Variants in FAT2 observed in about 807,000 individuals in gnomAD.
FAT2 encodes protocadherin Fat 2.
FAT2 carries 150 observed loss-of-function variants against 295.3 expected under a neutral mutation model. The observed-to-expected ratio is 0.51, with a 90% confidence interval of 0.44 to 0.58. FAT2 has a LOEUF of 0.58. Ranked by LOEUF, FAT2 falls within the 20% of genes least tolerant of loss-of-function variation. The probability of loss-of-function intolerance (pLI) is 0.00; values close to 1 mark genes in which losing one functional copy is unlikely to be tolerated. For missense variants in FAT2, 4,868 were observed against 5,442.7 expected (o/e 0.89, Z 3.32); for synonymous variants, 2,026 against 2,150.3 (o/e 0.94, Z 1.60).
In FAT2 at chr5:151,505,238, C is replaced by T. The variant is rs1760746926; in HGVS notation, c.*327G>A. On this transcript the variant is annotated 3_prime_UTR_variant, in exon 24 of 24. Transcript: ENST00000261800. The stretch of plus-strand genomic sequence containing the variant: ...CAGCACAGTCAATCAGGCTCTGCCC[C>T]GGGGACTGAGAGCCGGCAGATCAGG... The T allele has an allele frequency of 9.3e-6, 4 of 427,858 alleles. No homozygotes were observed. Among genetic ancestry groups the T allele is most frequent in the Middle Eastern group, 6.5e-4 (1 of 1,536 alleles). 26.5% of individuals were successfully genotyped at this position (427,858 alleles called of 1,614,324 possible).
In FAT2 at chr5:151,567,803, G is replaced by A. The variant is rs374282108; in HGVS notation, c.1129C>T (p.Pro377Ser). The A allele has an allele frequency of 5.6e-6, 9 of 1,614,078 alleles. No homozygotes were observed. Among genetic ancestry groups the A allele is most frequent in the Non-Finnish European group, 7.6e-6 (9 of 1,180,032 alleles). The change falls in exon 2 of 24, where the codon CCT (proline) becomes TCT (serine). Residue 377 changes from proline (P) to serine (S), a missense_variant. Physicochemically the swap from Pro to Ser is moderately conservative, Grantham distance 74 (BLOSUM62 -1). This residue lies in a region of FAT2 where 3,297 missense variants were observed against 3,669.4 expected (regional missense o/e 0.90). Coordinates refer to ENST00000261800, the MANE Select transcript of FAT2 (RefSeq NM_001447.3). The part of the protein sequence containing the change: ...YRVQLSEFSP[P>S]GSRVVMVRVT... ...CTCACCATCACCACGCGGCTGCCAG[G>A]AGGGGAAAACTCACTAAGCTGCACT...
In FAT2 at chr5:151,531,660, C is replaced by G. The variant is rs377076215; in HGVS notation, c.9738G>C (p.Pro3246=). 2.5e-6 allele frequency: 4 copies of G among 1,613,758 alleles called. No individual in the cohort carries two copies. Among genetic ancestry groups the G allele is most frequent in the Non-Finnish European group, 3.4e-6 (4 of 1,179,924 alleles). ...EVLQLATLTR[P]GAEKTGYRVV... ...CGCGGTAGCCGGTCTTCTCTGCGCC[C>G]GGGCGAGTGAGGGTGGCCAGCTGCA... The change falls in exon 14 of 24, where the codon CCG becomes CCC. Residue 3246 remains proline, a synonymous_variant. Transcript: ENST00000261800. This position sits in a 1 kb window ranked among gnomAD's most constrained non-coding sequence, Gnocchi z 5.7.
intron 3 of FAT2, among the ~76,000 whole-genome samples, chr5:151,559,687 A>C (rs1005040109): frequency 1.4e-5 from 2 of 147,772 alleles, no homozygotes; most frequent in African/African-American, 5.0e-5. Flanking sequence ...CTCTCCCCCA[A>C]CCCCATTTGG....
At chr5:151,583,764 G>A (rs1232528016) in intron 1 of FAT2, among the ~76,000 whole-genome samples, 7 of 152,036 alleles carry the variant, frequency 4.6e-5, no homozygotes, top group Non-Finnish European at 8.8e-5. Context: ...TTGGGAAGCC[G>A]AGTTGGGTGG....
At position 151,550,622 on chromosome 5, in the gene FAT2, A is replaced by G. The variant is rs1325356034; in HGVS notation, c.4546T>C (p.Ser1516Pro). 6.2e-7 allele frequency: 1 copy of G among 1,614,112 alleles called. No individual in the cohort carries two copies. The highest frequency in any genetic ancestry group is 1.7e-5 in the Admixed American group (1 of 60,004). Reference sequence around the variant, plus strand: ...GTCAGTGTGTGCTGGGAGGGCCCCGAGCCGAGGTCCAATTTTCCCACCGTT... The same window carrying G: ...GTCAGTGTGTGCTGGGAGGGCCCCGGGCCGAGGTCCAATTTTCCCACCGTT... The part of the protein sequence containing the change: ...LVTVGKLDLG[S>P]GPSQHTLTVM... Residue 1516 changes from serine (S) to proline (P), a missense_variant, in exon 8 of 24, where the codon TCG becomes CCG. This residue lies in a region of FAT2 where 3,297 missense variants were observed against 3,669.4 expected (regional missense o/e 0.90). Transcript: ENST00000261800.
At chr5:151,533,845 G>A (rs140722074) in intron 13 of FAT2, among the ~76,000 whole-genome samples, 1,988 of 152,082 alleles carry the variant, frequency 0.013, 57 homozygotes, top group African/African-American at 0.046. Flanking sequence ...CTTTGTGGTA[G>A]CATAAGCTAT....
At chr5:151,553,978 T>C (rs996192823) in intron 5 of FAT2, among the ~76,000 whole-genome samples, 2 of 152,212 alleles carry the variant, frequency 1.3e-5, no homozygotes, top group African/African-American at 4.8e-5. Context: ...ATATATTGGC[T>C]TCTCACAAGA....
chr5:151,549,337 C>T lies in FAT2; in HGVS notation c.4747G>A (p.Asp1583Asn), dbSNP rs2127619017. The change falls in exon 9 of 24, where the codon GAC becomes AAC. Residue 1583 changes from aspartate (D) to asparagine (N), a missense_variant. Asp to Asn is a conservative substitution (Grantham distance 23). Transcript: ENST00000261800. ...ELLQVRAMDA[D>N]RGVNAEVHYS... ...TGGACCTCAGCATTGACTCCCCGGT[C>T]AGCATCCATGGCTCGGACCTGCAGC... 4.3e-6 allele frequency: 7 copies of T among 1,613,778 alleles called. No individual in the cohort carries two copies. The highest frequency in any genetic ancestry group is 5.9e-6 in the Non-Finnish European group (7 of 1,180,022).
chr5:151,540,491 C>T, intron 11 of FAT2, 76 bp downstream of exon 11: 1 of 1,383,352 alleles, frequency 7.2e-7, no homozygotes. Flanking sequence ...TCCTGCTCCT[C>T]ACTCTCTGTT....
At position 151,542,390 on chromosome 5, in the gene FAT2, C is replaced by T. The variant is rs1224620497; in HGVS notation, c.8737G>A (p.Gly2913Arg). Reference sequence around the variant, plus strand: ...GGCTCACTGTTCTCAACCACAGATCCTCTGTACTCTTCAGAAGCAAATCGG... The same window carrying T: ...GGCTCACTGTTCTCAACCACAGATCTTCTGTACTCTTCAGAAGCAAATCGG... ...APRFASEEYRGSVVENSEPGE... is the reference protein window; with the variant it reads ...APRFASEEYRRSVVENSEPGE... The change falls in exon 10 of 24, where the codon GGA becomes AGA. Residue 2913 changes from glycine to arginine, a missense_variant. This residue lies in a region of FAT2 where 3,297 missense variants were observed against 3,669.4 expected (regional missense o/e 0.90). Coordinates refer to ENST00000261800, the MANE Select transcript of FAT2 (RefSeq NM_001447.3). The T allele has an allele frequency of 6.2e-7, 1 of 1,614,166 alleles. No individual in the cohort carries two copies. The highest frequency in any genetic ancestry group is 8.5e-7 in the Non-Finnish European group (1 of 1,180,038).
Position 151,565,817 on chromosome 5 carries a change from C to G in FAT2, c.3115G>C (p.Gly1039Arg). The G allele has an allele frequency of 1.5e-5, 25 of 1,614,172 alleles. No individual in the cohort carries two copies. Among genetic ancestry groups the G allele is most frequent in the Non-Finnish European group, 2.1e-5 (25 of 1,180,022 alleles). The change falls in exon 2 of 24, where the codon GGC becomes CGC. Residue 1039 changes from glycine (G) to arginine (R), a missense_variant. This residue lies in a region of FAT2 where 3,297 missense variants were observed against 3,669.4 expected (regional missense o/e 0.90). Transcript: ENST00000261800. ...GAGGGGCTGTTCTCCTGCACCTGGC[C>G]CTGGTGCACGAAGGAGGCAAAGTGG... ...PPHFASFVHQGQVQENSPSGT... is the reference protein window; with the variant it reads ...PPHFASFVHQRQVQENSPSGT...
chr5:151,509,803 C>A, intron 22 of FAT2: 2 of 537,228 alleles, frequency 3.7e-6, no homozygotes, highest in East Asian at 2.8e-5. Context: ...AAACCATCTC[C>A]CGTTTCTCCT....
chr5:151,587,148 A>C (rs1051877539), intron 1 of FAT2, among the ~76,000 whole-genome samples: 8 of 148,566 alleles, frequency 5.4e-5, no homozygotes, highest in African/African-American at 2.0e-4. Context: ...TCTCAAAAAA[A>C]CAAAAAACAA....
At chr5:151,585,166 A>G (rs776186992) in intron 1 of FAT2, among the ~76,000 whole-genome samples, 23 of 152,222 alleles carry the variant, frequency 1.5e-4, no homozygotes, top group Non-Finnish European at 3.1e-4. Context: ...TGATGTGGCT[A>G]TCCTCAGAGG....
chr5:151,549,296 T>G lies in FAT2; in HGVS notation c.4788A>C (p.Lys1596Asn), dbSNP rs1444203933. 1 of 1,612,580 alleles carries G rather than the reference T, an allele frequency of 6.2e-7. No individual in the cohort carries two copies. Among genetic ancestry groups the G allele is most frequent in the East Asian group, 2.2e-5 (1 of 44,878 alleles). The change falls in exon 9 of 24, where the codon AAA becomes AAC. Residue 1596 changes from lysine to asparagine, a missense_variant and splice_region_variant. Lys to Asn is a moderately conservative substitution (Grantham distance 94, BLOSUM62 0). Transcript: ENST00000261800. ...VNAEVHYSLL[K>N]GNSEGFFNIN... ...TGAGCTCATGGCCAGGCCTCTCACC[T>G]TTCAGGAGGGAGTAGTGGACCTCAG...
Position 151,545,267 on chromosome 5 carries a change from C to T in FAT2, c.5860G>A (p.Val1954Ile), listed in dbSNP as rs2127611730. 6.2e-7 allele frequency: 1 copy of T among 1,614,088 alleles called. No individual in the cohort carries two copies. ...AGCACTTGGGTCAAAGAAATTTTTA[C>T]CAGCGCAGTGTCTTGATACAAGCCA... ...SDGLYQDTAL[V>I]KISLTQVLDK... is the part of the protein sequence containing the mutation. The change falls in exon 10 of 24, where the codon GTA (valine) becomes ATA (isoleucine). Residue 1954 changes from valine (V) to isoleucine (I), a missense_variant. Transcript: ENST00000261800.
intron 13 of FAT2, among the ~76,000 whole-genome samples, chr5:151,532,607 A>G (rs1183640281): frequency 1.3e-5 from 2 of 152,204 alleles, no homozygotes; most frequent in Non-Finnish European, 2.9e-5. Flanking sequence ...CTTCCTATGG[A>G]GTCTATAATT....
rs1281350610 is a variant in FAT2 at position 151,512,570 on chromosome 5, G to A, written c.11500C>T (p.Leu3834=). The change falls in exon 21 of 24, where the codon CTG becomes TTG. Residue 3834 remains leucine, a synonymous_variant. Coordinates refer to ENST00000261800, the MANE Select transcript of FAT2 (RefSeq NM_001447.3). This position sits in a 1 kb window ranked among gnomAD's most constrained non-coding sequence, Gnocchi z 4.1. ...SGVPQLEYHC[L]GGFYGNLSSQ... Reference sequence around the variant, plus strand: ...GAAAGGTTTCCATAGAAACCACCCAGACAGTGGTATTCCAGCTGGGGCACT... The same window carrying A: ...GAAAGGTTTCCATAGAAACCACCCAAACAGTGGTATTCCAGCTGGGGCACT... The A allele has an allele frequency of 6.2e-7, 1 of 1,613,688 alleles. No individual in the cohort carries two copies. Among genetic ancestry groups the A allele is most frequent in the Non-Finnish European group, 8.5e-7 (1 of 1,179,764 alleles).
chr5:151,508,256 C>T (rs994775299), intron 22 of FAT2, among the ~76,000 whole-genome samples: 2 of 152,204 alleles, frequency 1.3e-5, no homozygotes, highest in African/African-American at 4.8e-5. Context: ...AATGTCACTA[C>T]CAGTTGTTTG....
Sources: gnomAD v4.1 joint callset for allele counts (sites outside exome capture counted in the v4.1 genomes callset) on GRCh38, gnomAD v4.1.1 for gene constraint, gnomAD v4.1.1 regional missense constraint, Gnocchi (gnomAD v3.1) non-coding constraint, MANE v1.5 for transcripts, NCBI Gene and HGNC (gene_info 2026-07-23, HGNC 2026-07-21) for gene names.